LRP1B: variants seen among roughly 807,000 people sequenced by gnomAD.
LRP1B encodes LDL receptor related protein 1B.
Under a neutral mutation model 556.6 loss-of-function variants are expected in LRP1B, and 217 were observed. The ratio of observed to expected loss-of-function variants is 0.39; its 90% CI spans 0.35 to 0.44. The LOEUF (loss-of-function observed/expected upper bound fraction) is 0.44, where lower values mean the gene tolerates loss of function less well. LRP1B is among the 20% of genes least tolerant of loss of function. The pLI, the probability that LRP1B is intolerant of heterozygous loss-of-function variation, is 1.00. For synonymous variants in LRP1B, 2,047 were observed against 1,865.8 expected (o/e 1.10, Z -2.50); for missense variants, 5,053 against 5,620.8 (o/e 0.90, Z 3.23).
rs553172882 is a variant in LRP1B, at chr2:140,715,870, G to C, written c.6023+103C>G. On this transcript the variant is annotated intron_variant, in intron 37 of 90. Transcript: ENST00000389484. ...TTTTCTGCTTAGGTAAGATATTCTTGATTTTGTCTCAGACATTACAGCTAA... is the reference window on the plus strand; with the variant it reads ...TTTTCTGCTTAGGTAAGATATTCTTCATTTTGTCTCAGACATTACAGCTAA... 2.4e-5 allele frequency: 22 copies of C among 930,980 alleles called. 2 individuals carry two copies. In the South Asian group the frequency reaches 3.5e-4, roughly 15 times the overall value. 57.7% of individuals were successfully genotyped at this position (930,980 alleles called of 1,614,324 possible). A position where few individuals can be genotyped will look rare whatever the true frequency, so the allele number is the denominator to read the frequency against.
chr2:140,444,816 G>T, intron 63 of LRP1B, 137 bp from the exon 64 acceptor site: 1 of 612,502 alleles, frequency 1.6e-6, no homozygotes. Flanking sequence ...CATCTCGATA[G>T]CTATTAGATT....
chr2:141,947,928 C>T (rs1300881889), intron 1 of LRP1B, among the ~76,000 whole-genome samples: 1 of 152,078 alleles, frequency 6.6e-6, no homozygotes, highest in Non-Finnish European at 1.5e-5. Flanking sequence ...GGAGACTCCA[C>T]TGATCCATTT....
At chr2:141,305,876 T>C (rs1374776992) in intron 3 of LRP1B, among the ~76,000 whole-genome samples, 1 of 152,222 alleles carries the variant, frequency 6.6e-6, no homozygotes, top group African/African-American at 2.4e-5. Flanking sequence ...TCTGAGAATG[T>C]GATGTATGAC....
At chr2:141,486,419 G>A (rs1263492411) in intron 2 of LRP1B, among the ~76,000 whole-genome samples, 2 of 152,062 alleles carry the variant, frequency 1.3e-5, no homozygotes, top group Admixed American at 6.6e-5. Flanking sequence ...ATTAATAGGG[G>A]ATAATAAAGG....
chr2:141,810,502 C>T, intron 1 of LRP1B, 101 bp from the exon 2 acceptor site: 3 of 1,198,414 alleles, frequency 2.5e-6, no homozygotes, highest in South Asian at 2.9e-5. Flanking sequence ...ATAAAAGGTA[C>T]ATGAATATGA....
intron 2 of LRP1B, among the ~76,000 whole-genome samples, chr2:141,613,632 T>A (rs1439291828): frequency 6.6e-6 from 1 of 152,216 alleles, no homozygotes; most frequent in Non-Finnish European, 1.5e-5. Context: ...CCATTTTGGC[T>A]AACCTTCGCA....
chr2:141,666,467 C>A (rs1007336703), intron 2 of LRP1B, among the ~76,000 whole-genome samples: 2 of 152,182 alleles, frequency 1.3e-5, no homozygotes, highest in Non-Finnish European at 2.9e-5. Context: ...AATTCTCCCT[C>A]CTCAGCTTCC....
intron 67 of LRP1B, among the ~76,000 whole-genome samples, chr2:140,380,249 C>T (rs1179401908): frequency 6.6e-6 from 1 of 152,074 alleles, no homozygotes; most frequent in African/African-American, 2.4e-5. Flanking sequence ...GATACCAGGG[C>T]CTGTACTTTT....
At chr2:140,306,810 C>T (rs1468111669) in intron 83 of LRP1B, among the ~76,000 whole-genome samples, 1 of 152,034 alleles carries the variant, frequency 6.6e-6, no homozygotes, top group African/African-American at 2.4e-5. Flanking sequence ...ATAAATTTCC[C>T]TCTACACACT....
At chr2:141,035,454 C>T (rs1698505416) in intron 11 of LRP1B, among the ~76,000 whole-genome samples, 3 of 151,892 alleles carry the variant, frequency 2.0e-5, no homozygotes, top group Admixed American at 2.0e-4. Flanking sequence ...TCCCTCGTTT[C>T]ATTTATTATT....
At chr2:142,130,579 T>A in intron 1 of LRP1B, 69 bp downstream of exon 1, 1 of 1,319,810 alleles carries the variant, frequency 7.6e-7, no homozygotes, top group Non-Finnish European at 1.1e-6. Flanking sequence ...CACTCACTTA[T>A]CTGCAAGCAT....
At chr2:141,170,208 T>A (rs1680444432) in intron 7 of LRP1B, among the ~76,000 whole-genome samples, 1 of 152,134 alleles carries the variant, frequency 6.6e-6, no homozygotes, top group African/African-American at 2.4e-5. Flanking sequence ...AGAAGCATTT[T>A]GTATTGTGCG....
At chr2:141,562,356 GC>G (rs1255045382) in intron 2 of LRP1B, among the ~76,000 whole-genome samples, 1 of 151,842 alleles carries the variant, frequency 6.6e-6, no homozygotes, top group African/African-American at 2.4e-5. Context: ...ATATCCAATA[GC>G]TATCCACTTA....
At chr2:140,252,309 A>T (rs1289629654) in intron 86 of LRP1B, among the ~76,000 whole-genome samples, 1 of 151,848 alleles carries the variant, frequency 6.6e-6, no homozygotes, top group African/African-American at 2.4e-5. Context: ...TTCTATCTCA[A>T]CTTTTACATG....
At position 140,464,120 on chromosome 2, in the gene LRP1B, C is replaced by T. The variant is rs1009764538; in HGVS notation, c.9626-6469G>A. ...CTGGGGCAGAAGAATCGCTTGAATC[C>T]GGGAGGCAGAGGTTGCAGTGAGGCA... On this transcript the variant is annotated intron_variant, in intron 60 of 90. Coordinates refer to ENST00000389484, the MANE Select transcript of LRP1B (RefSeq NM_018557.3). Among the ~76,000 whole-genome samples the T allele has an allele frequency of 4.6e-5, 7 of 151,918 alleles. No homozygotes were observed. The East Asian group carries it at 7.7e-4, about 17-fold the overall frequency.
chr2:140,794,611 C>A (rs563205734), intron 32 of LRP1B, among the ~76,000 whole-genome samples: 1 of 150,362 alleles, frequency 6.7e-6, no homozygotes, highest in East Asian at 1.9e-4. Flanking sequence ...TGTTATATAG[C>A]CACTTTCTTT....
intron 53 of LRP1B, 110 bp from the exon 54 acceptor site, chr2:140,503,213 A>G: frequency 1.1e-6 from 1 of 887,482 alleles, no homozygotes; most frequent in Non-Finnish European, 1.7e-6. Flanking sequence ...CATGTCTCCC[A>G]TGAGAAATAT....
rs868513489 is a variant in LRP1B at position 141,026,714 on chromosome 2, T to A, written c.1790-6612A>T. 2.0e-5 allele frequency among the ~76,000 whole-genome samples: 3 copies of A among 152,166 alleles called. 1 individual carries two copies. The South Asian group carries it at 6.2e-4, about 32-fold the overall frequency. On this transcript the variant is annotated intron_variant, in intron 11 of 90. Coordinates refer to ENST00000389484, the MANE Select transcript of LRP1B (RefSeq NM_018557.3). Reference sequence around the variant, plus strand: ...TTATCTAATAACATCTTTCCATAAATATCTAAGAAAACACACACAGTCATA... The same window carrying A: ...TTATCTAATAACATCTTTCCATAAAAATCTAAGAAAACACACACAGTCATA...
At chr2:141,320,607 C>A (rs1386604419) in intron 3 of LRP1B, among the ~76,000 whole-genome samples, 1 of 151,988 alleles carries the variant, frequency 6.6e-6, no homozygotes, top group Admixed American at 6.6e-5. Context: ...AAACCTGCAG[C>A]CTGAAACTGC....
Sources: gnomAD v4.1 joint callset for allele counts (sites outside exome capture counted in the v4.1 genomes callset) on GRCh38, gnomAD v4.1.1 for gene constraint, MANE v1.5 for transcripts, NCBI Gene and HGNC (gene_info 2026-07-23, HGNC 2026-07-21) for gene names.